MAEA: variants seen among roughly 807,000 people sequenced by gnomAD.
The protein encoded by MAEA is E3 ubiquitin-protein transferase MAEA.
In MAEA, 22 loss-of-function variants were observed where a neutral mutation model predicts 46.2. The ratio of observed to expected loss-of-function variants is 0.48; its 90% confidence interval spans 0.34 to 0.68. The LOEUF (loss-of-function observed/expected upper bound fraction) is 0.68. MAEA is among the 30% of genes least tolerant of loss of function. The probability of loss-of-function intolerance (pLI) is 0.01; values close to 1 mark genes in which losing one functional copy is unlikely to be tolerated. For synonymous variants in MAEA, 246 were observed against 222.6 expected, an observed-to-expected ratio of 1.11 and a Z score of -0.94; for missense variants, 393 against 558.1, an observed-to-expected ratio of 0.70 and a Z score of 2.98.
intron 6 of MAEA, among the ~76,000 whole-genome samples, chr4:1,334,478 C>T (rs1344260443): frequency 2.6e-5 from 4 of 152,174 alleles, no homozygotes; most frequent in Non-Finnish European, 5.9e-5. Flanking sequence ...TCTGAGCTTC[C>T]CAGACTGTGA....
At chr4:1,310,795 G>A (rs560414769) in intron 1 of MAEA, among the ~76,000 whole-genome samples, 9 of 152,326 alleles carry the variant, frequency 5.9e-5, no homozygotes, top group African/African-American at 1.4e-4. Flanking sequence ...GCTCAGGGCC[G>A]GCCTTGCCAC....
In MAEA at chr4:1,317,758, C is replaced by G. The variant is rs112445953; in HGVS notation, c.456+2158C>G. Among the ~76,000 whole-genome samples the G allele has an allele frequency of 1.2e-4, 19 of 152,356 alleles. 1 individual carries two copies. Among genetic ancestry groups the G allele is most frequent in the African/African-American group, 4.1e-4 (17 of 41,580 alleles). ...ACAGCTGTGCCATGAGTTGATCTGC[C>G]AGATGGCAAAGTGCACTGATCCTCT... On this transcript the variant is annotated intron_variant, in intron 3 of 8. Transcript: ENST00000303400.
At chr4:1,330,108 C>T (rs997393463) in intron 5 of MAEA, 8 of 985,284 alleles carry the variant, frequency 8.1e-6, no homozygotes, top group Non-Finnish European at 9.6e-6. Flanking sequence ...TGGGTTTTTG[C>T]GAAATGCAAA....
chr4:1,338,315 C>T, intron 7 of MAEA, 107 bp from the exon 8 acceptor site: 1 of 835,088 alleles, frequency 1.2e-6, no homozygotes, highest in Non-Finnish European at 1.9e-6. Context: ...AGCATGGCGC[C>T]CACATAGCCA....
intron 1 of MAEA, among the ~76,000 whole-genome samples, chr4:1,290,539 C>T (rs191035847): frequency 1.3e-5 from 2 of 152,344 alleles, no homozygotes; most frequent in African/African-American, 4.8e-5. Context: ...CACCTAGCCA[C>T]GTCGCACTTC....
In MAEA at chr4:1,338,585, A is replaced by C. The variant is rs1225678846; in HGVS notation, c.1063A>C (p.Met355Leu). The change falls in exon 8 of 9, where the codon ATG (methionine) becomes CTG (leucine). Residue 355 changes from methionine (M) to leucine (L), a missense_variant. Met to Leu is a conservative substitution (Grantham distance 15). Coordinates refer to ENST00000303400, the MANE Select transcript of MAEA (RefSeq NM_001017405.3). ...DVMNENNPPM[M>L]LPNGYVYGYN... ...GATGAACGAGAACAATCCGCCCATG[A>C]TGCTGCCCAACGGCTACGTCTACGG... 6.2e-7 allele frequency: 1 copy of C among 1,612,702 alleles called. No homozygotes were observed. Among genetic ancestry groups the C allele is most frequent in the South Asian group, 1.1e-5 (1 of 90,996 alleles).
At position 1,312,032 on chromosome 4, in the gene MAEA, C is replaced by T; in HGVS notation, c.123C>T (p.Asp41=). 2 of 1,614,028 alleles carry T rather than the reference C, an allele frequency of 1.2e-6. No individual in the cohort carries two copies. The highest frequency in any genetic ancestry group is 1.7e-5 in the Admixed American group (1 of 60,036). The part of the protein sequence containing the change: ...KRFRAAQKNI[D]RETSHVTMVV... ...TTCGCGCCGCTCAGAAGAACATTGA[C>T]CGGGAGACCAGCCACGTCACCATGG... The change falls in exon 2 of 9, where the codon GAC becomes GAT. Residue 41 remains aspartate, a synonymous_variant. Transcript: ENST00000303400.
At chr4:1,327,803 C>A in intron 5 of MAEA, 100 bp downstream of exon 5, 2 of 963,994 alleles carry the variant, frequency 2.1e-6, no homozygotes, top group Non-Finnish European at 3.2e-6. Context: ...GGGACGTCCC[C>A]TGGGTCGTCC....
chr4:1,304,073 C>G (rs979481917), intron 1 of MAEA, among the ~76,000 whole-genome samples: 1 of 152,046 alleles, frequency 6.6e-6, no homozygotes, highest in Admixed American at 6.5e-5. Context: ...CTGTAGCTCC[C>G]GTCAAACCCC....
intron 1 of MAEA, chr4:1,298,194 C>T (rs144158897): frequency 2.2e-4 from 89 of 407,672 alleles, no homozygotes; most frequent in African/African-American, 1.6e-3. Flanking sequence ...CGGCTTGGCC[C>T]TGTCTGTCGC....
intron 4 of MAEA, among the ~76,000 whole-genome samples, chr4:1,323,161 G>C (rs1197788394): frequency 6.6e-6 from 1 of 151,928 alleles, no homozygotes; most frequent in African/African-American, 2.4e-5. Context: ...TGGCCAGGAT[G>C]GTCTTGATCT....
intron 3 of MAEA, among the ~76,000 whole-genome samples, chr4:1,320,642 A>G (rs4974599): frequency 6.9e-6 from 1 of 144,384 alleles, no homozygotes; most frequent in East Asian, 2.0e-4. Flanking sequence ...GAAAAGAAAT[A>G]ATCAAAGCAA....
intron 5 of MAEA, 49 bp downstream of exon 5, chr4:1,327,752 CT>C: frequency 2.0e-6 from 3 of 1,526,040 alleles, no homozygotes; most frequent in Non-Finnish European, 2.7e-6. Flanking sequence ...GGATGTTCGG[CT>C]GCGGCCCCTG....
intron 2 of MAEA, chr4:1,312,554 C>G (rs1179442398): frequency 5.4e-6 from 1 of 184,738 alleles, no homozygotes; most frequent in African/African-American, 2.4e-5. Flanking sequence ...CTCAGCCTCA[C>G]GAGTAGCTGG....
chr4:1,315,778 G>T (rs1319146027), intron 3 of MAEA, among the ~76,000 whole-genome samples, 178 bp downstream of exon 3: 2 of 96,420 alleles, frequency 2.1e-5, no homozygotes, highest in Non-Finnish European at 3.9e-5. Context: ...CCCCCCTCCA[G>T]TGTGTGTGTG....
At chr4:1,320,374 G>A (rs1324217142) in intron 3 of MAEA, among the ~76,000 whole-genome samples, 2 of 151,566 alleles carry the variant, frequency 1.3e-5, no homozygotes, top group Admixed American at 6.6e-5. Flanking sequence ...ATGCTATGAA[G>A]GGGCTTCAGA....
chr4:1,312,244 C>T (rs1324614900), intron 2 of MAEA, 83 bp downstream of exon 2: 1 of 1,536,630 alleles, frequency 6.5e-7, no homozygotes, highest in Admixed American at 1.8e-5. Context: ...GACAGGCAAG[C>T]TGCAATGATG....
intron 3 of MAEA, among the ~76,000 whole-genome samples, chr4:1,318,479 A>G (rs10025665): frequency 0.082 from 12,535 of 152,134 alleles, 1,180 homozygotes; most frequent in East Asian, 0.25. Context: ...GCTACACTCA[A>G]GGTGTTGGGG....
rs2109024874 is a variant in MAEA, at chr4:1,339,265, T to G, written c.*96T>G. 2 of 864,156 alleles carry G rather than the reference T, an allele frequency of 2.3e-6. No homozygotes were observed. Among genetic ancestry groups the G allele is most frequent in the Non-Finnish European group, 3.9e-6 (2 of 518,016 alleles). 53.5% of individuals were successfully genotyped at this position (864,156 alleles called of 1,614,324 possible). ...CCCACGCTCCAGCCTGCCGCGGCGT[T>G]TCTGTTTCTTGCGACCAAAGATCCG... On this transcript the variant is annotated 3_prime_UTR_variant, in exon 9 of 9. Transcript: ENST00000303400.
Sources: allele counts gnomAD v4.1 joint callset (sites outside exome capture counted in the v4.1 genomes callset), GRCh38; gene constraint gnomAD v4.1.1; transcripts MANE v1.5; gene names NCBI Gene and HGNC (gene_info 2026-07-23, HGNC 2026-07-21).